Variants in MYOZ2 observed in about 807,000 individuals in gnomAD.
MYOZ2 encodes myozenin-2.
In MYOZ2, 19 loss-of-function variants were observed where a neutral mutation model predicts 25.4. The ratio of observed to expected loss-of-function variants is 0.75; its 90% CI spans 0.52 to 1.10. The LOEUF is 1.10. MYOZ2 is among the 50% of genes least tolerant of loss of function. The pLI, the probability that MYOZ2 is intolerant of heterozygous loss-of-function variation, is 0.00. For synonymous variants in MYOZ2, 92 were observed against 106.9 expected (o/e 0.86, Z 0.86); for missense variants, 270 against 317.9 (o/e 0.85, Z 1.15).
intron 3 of MYOZ2, 39 bp downstream of exon 3, chr4:119,151,080 G>T (rs757818422): frequency 2.0e-6 from 3 of 1,537,578 alleles, no homozygotes; most frequent in Non-Finnish European, 2.7e-6. Flanking sequence ...AAATGAATGC[G>T]CAATATTTCT....
At chr4:119,170,141 T>G (rs1467608037) in intron 5 of MYOZ2, among the ~76,000 whole-genome samples, 2 of 152,108 alleles carry the variant, frequency 1.3e-5, no homozygotes, top group Non-Finnish European at 2.9e-5. Flanking sequence ...CTGGTAAAAC[T>G]GAAACTCTGT....
intron 4 of MYOZ2, among the ~76,000 whole-genome samples, chr4:119,159,240 G>C (rs1159680516): frequency 6.6e-6 from 1 of 151,786 alleles, no homozygotes; most frequent in African/African-American, 2.4e-5. Flanking sequence ...GACCAGCCTG[G>C]GCAACATAAC....
intron 3 of MYOZ2, among the ~76,000 whole-genome samples, chr4:119,151,312 G>A (rs1035089077): frequency 3.9e-5 from 6 of 152,152 alleles, no homozygotes; most frequent in Admixed American, 6.5e-5. Flanking sequence ...GAGGGAGAGG[G>A]AGTGGAGAGA....
chr4:119,146,107 C>T (rs1391967568), intron 2 of MYOZ2, among the ~76,000 whole-genome samples: 1 of 152,016 alleles, frequency 6.6e-6, no homozygotes, highest in Non-Finnish European at 1.5e-5. Flanking sequence ...TAATTTGTGT[C>T]TTCTCTATAT....
chr4:119,158,505 T>C (rs779029427), intron 4 of MYOZ2, among the ~76,000 whole-genome samples: 7 of 152,040 alleles, frequency 4.6e-5, no homozygotes, highest in Non-Finnish European at 1.0e-4. Flanking sequence ...TGAGCCATGA[T>C]CACACCACTG....
At chr4:119,146,565 C>T (rs888135105) in intron 2 of MYOZ2, among the ~76,000 whole-genome samples, 10 of 151,902 alleles carry the variant, frequency 6.6e-5, no homozygotes, top group Non-Finnish European at 2.9e-5. Flanking sequence ...ATTTCTAGTT[C>T]GGTTTTATTG....
At chr4:119,168,926 T>C (rs1441403186) in intron 5 of MYOZ2, among the ~76,000 whole-genome samples, 2 of 152,198 alleles carry the variant, frequency 1.3e-5, no homozygotes, top group Non-Finnish European at 2.9e-5. Flanking sequence ...GGTAAAATGC[T>C]ACCAAACAGT....
intron 2 of MYOZ2, among the ~76,000 whole-genome samples, chr4:119,143,136 T>C (rs1741207371): frequency 6.6e-6 from 1 of 152,240 alleles, no homozygotes; most frequent in South Asian, 2.1e-4. Flanking sequence ...ATGGCTTAAT[T>C]ACCTTTTAAA....
chr4:119,155,050 T>A (rs769945171), intron 3 of MYOZ2, among the ~76,000 whole-genome samples: 7 of 151,974 alleles, frequency 4.6e-5, no homozygotes, highest in Non-Finnish European at 2.9e-5. Flanking sequence ...CTTCCACTCA[T>A]GGCAGAAGGG....
intron 5 of MYOZ2, among the ~76,000 whole-genome samples, chr4:119,183,968 C>T (rs1742243672): frequency 6.6e-6 from 1 of 152,046 alleles, no homozygotes; most frequent in Admixed American, 6.5e-5. Context: ...GCATGCGCCA[C>T]CATGCCCTGC....
intron 4 of MYOZ2, among the ~76,000 whole-genome samples, chr4:119,158,471 A>C (rs1039863742): frequency 1.3e-5 from 2 of 152,114 alleles, no homozygotes; most frequent in African/African-American, 4.8e-5. Context: ...TAGGAGGATC[A>C]TTTGAGCCCA....
At position 119,158,103 on chromosome 4, in the gene MYOZ2, A is replaced by T. The variant is rs1158075899; in HGVS notation, c.328A>T (p.Asn110Tyr). The change falls in exon 4 of 6, where the codon AAC becomes TAC. Residue 110 changes from asparagine (N) to tyrosine (Y), a missense_variant. Transcript: ENST00000307128. ...GCAGCAAGCCCCCTTGACTCCTCCC[A>T]ACACCCCAGATCCACGAAGCCCTCC... ...GSQQAPLTPP[N>Y]TPDPRSPPNP... 1 of 1,614,010 alleles carries T rather than the reference A, an allele frequency of 6.2e-7. No homozygotes were observed. The highest frequency in any genetic ancestry group is 1.7e-5 in the Admixed American group (1 of 60,004).
intron 5 of MYOZ2, among the ~76,000 whole-genome samples, chr4:119,180,461 A>G (rs1030033571): frequency 6.6e-6 from 1 of 152,210 alleles, no homozygotes; most frequent in Non-Finnish European, 1.5e-5. Context: ...TTTAATCTGC[A>G]TACTGCTATT....
chr4:119,137,554 T>G (rs988577748), intron 2 of MYOZ2, among the ~76,000 whole-genome samples: 36 of 152,138 alleles, frequency 2.4e-4, no homozygotes, highest in Admixed American at 2.3e-3. Context: ...TGTTTTCATA[T>G]TACACCTTCC....
chr4:119,176,107 T>C (rs573074674), intron 5 of MYOZ2, among the ~76,000 whole-genome samples: 5 of 152,320 alleles, frequency 3.3e-5, no homozygotes, highest in Admixed American at 6.5e-5. Flanking sequence ...TTTGAGTTCA[T>C]TGAGGTTAAG....
At chr4:119,142,688 A>G (rs7694555) in intron 2 of MYOZ2, among the ~76,000 whole-genome samples, 40,679 of 152,152 alleles carry the variant, frequency 0.27, 5,574 homozygotes, top group South Asian at 0.36. Flanking sequence ...GAGCCAGACA[A>G]AGCTGTTCTG....
intron 2 of MYOZ2, among the ~76,000 whole-genome samples, chr4:119,146,733 C>G (rs1417454286): frequency 1.3e-5 from 2 of 152,190 alleles, no homozygotes; most frequent in East Asian, 3.9e-4. Context: ...CAATTAAGTC[C>G]TATTCGTTGC....
chr4:119,151,912 A>G (rs1436507109), intron 3 of MYOZ2, among the ~76,000 whole-genome samples: 1 of 152,156 alleles, frequency 6.6e-6, no homozygotes, highest in East Asian at 1.9e-4. Context: ...GTTGTTTTGA[A>G]TGGACAGCTC....
At chr4:119,160,045 G>A (rs1741670726) in intron 4 of MYOZ2, among the ~76,000 whole-genome samples, 1 of 152,140 alleles carries the variant, frequency 6.6e-6, no homozygotes, top group African/African-American at 2.4e-5. Context: ...TCAACCCTAT[G>A]GCTCTTCCCA....
Sources: allele counts gnomAD v4.1 joint callset (sites outside exome capture counted in the v4.1 genomes callset), GRCh38; gene constraint gnomAD v4.1.1; transcripts MANE v1.5; gene names NCBI Gene and HGNC (gene_info 2026-07-23, HGNC 2026-07-21).